Variants in DCDC1 observed in about 807,000 individuals in gnomAD.
The protein encoded by DCDC1 is doublecortin domain containing 1, also known as doublecortin domain-containing protein 1.
Under a neutral mutation model 178.3 loss-of-function variants are expected in DCDC1, and 200 were observed. The ratio of observed to expected loss-of-function variants is 1.12; its 90% CI spans 1.00 to 1.26. DCDC1 has a LOEUF of 1.26. Among genes scored for constraint, DCDC1 ranks in the 50% most tolerant of loss-of-function variants. The probability of loss-of-function intolerance (pLI) is 0.00; values close to 1 mark genes in which losing one functional copy is unlikely to be tolerated. For synonymous variants in DCDC1, 690 were observed against 604.8 expected (o/e 1.14, Z -2.07); for missense variants, 1,983 against 1,749.2 (o/e 1.13, Z -2.38).
intron 35 of DCDC1, 123 bp downstream of exon 35, chr11:30,894,125 A>G: frequency 9.9e-6 from 13 of 1,311,178 alleles, no homozygotes; most frequent in Non-Finnish European, 1.2e-5. Context: ...ATATGCTTAT[A>G]TGGTCATAAC....
rs1183626749 is a variant in DCDC1 at position 31,091,407 on chromosome 11, T to C, written c.2223A>G (p.Leu741=). 1.3e-6 allele frequency: 1 copy of C among 749,354 alleles called. No individual in the cohort carries two copies. The highest frequency in any genetic ancestry group is 2.4e-6 in the Non-Finnish European group (1 of 408,782). The allele number at this position is 749,354 out of a possible 1,614,324, so 46.4% of individuals were successfully genotyped here. A position where few individuals can be genotyped will look rare whatever the true frequency, so the allele number is the denominator to read the frequency against. The change falls in exon 17 of 39, where the codon TTA becomes TTG. Residue 741 remains leucine (L), a synonymous_variant. Transcript: ENST00000684477. The part of the protein sequence containing the change: ...AEGTSLEGYK[L]ILQKRHSGDD... ...ATAAGCATTACCTTTTCTGTAAGAT[T>C]AATTTATATCCTTCTAGTGATGTTC...
intron 8 of DCDC1, among the ~76,000 whole-genome samples, chr11:31,245,201 T>C (rs1400494063): frequency 4.7e-5 from 7 of 149,486 alleles, no homozygotes; most frequent in Admixed American, 1.3e-4. Context: ...CTCTCTCTCT[T>C]TTTTTTTTTC....
chr11:30,904,266 T>G, intron 31 of DCDC1: 1 of 152,264 alleles, frequency 6.6e-6, no homozygotes, highest in East Asian at 1.9e-4. Flanking sequence ...AAAAAATATT[T>G]TCAGCCAAAG....
At chr11:31,032,602 T>C (rs886532617) in intron 20 of DCDC1, among the ~76,000 whole-genome samples, 4 of 151,138 alleles carry the variant, frequency 2.6e-5, no homozygotes, top group African/African-American at 7.3e-5. Flanking sequence ...ACAGTGTAAA[T>C]GAAAATGGAA....
Position 30,915,622 on chromosome 11 carries a change from T to C in DCDC1, c.3542A>G (p.Gln1181Arg). The part of the protein sequence containing the change: ...DGQIISHAAP[Q>R]LVLGVQGPNL... ...GGGACCTTGAACCCCCAAGACTAGC[T>C]GAGGAGCAGCATGGCTTATAATCTG... The change falls in exon 27 of 39, where the codon CAG (glutamine) becomes CGG (arginine). Residue 1181 changes from glutamine to arginine, a missense_variant. Transcript: ENST00000684477. The C allele has an allele frequency of 6.2e-7, 1 of 1,613,946 alleles. No individual in the cohort carries two copies. Among genetic ancestry groups the C allele is most frequent in the Non-Finnish European group, 8.5e-7 (1 of 1,179,846 alleles).
At chr11:31,123,328 G>A (rs1352224588) in intron 11 of DCDC1, among the ~76,000 whole-genome samples, 1 of 152,070 alleles carries the variant, frequency 6.6e-6, no homozygotes, top group Non-Finnish European at 1.5e-5. Context: ...ATAACTTCAA[G>A]AGAATAGGTA....
chr11:31,034,092 C>T (rs1408906333), intron 20 of DCDC1, among the ~76,000 whole-genome samples: 2 of 144,416 alleles, frequency 1.4e-5, no homozygotes, highest in Non-Finnish European at 3.0e-5. Context: ...TGCAGTGAGC[C>T]GAGATCATGC....
rs555873871 is a variant in DCDC1, at chr11:30,922,217, G to T, written c.3133+286C>A. On this transcript the variant is annotated intron_variant, in intron 24 of 38. Coordinates refer to ENST00000684477, the MANE Select transcript of DCDC1 (RefSeq NM_001387274.1). ...CCTAAAGGGACTAATTAAATTAATG[G>T]ATGGAACAAAATGTAAACATGATTA... Among the ~76,000 whole-genome samples the T allele has an allele frequency of 1.1e-3, 173 of 152,152 alleles. 1 individual carries two copies. The highest frequency in any genetic ancestry group is 1.9e-3 in the Non-Finnish European group (130 of 68,030).
chr11:31,245,113 T>C (rs1943455114), intron 8 of DCDC1, among the ~76,000 whole-genome samples: 1 of 151,650 alleles, frequency 6.6e-6, no homozygotes, highest in Non-Finnish European at 1.5e-5. Flanking sequence ...TCATATCAAA[T>C]GTTACCACCT....
chr11:31,354,705 GAAAAA>G, intron 1 of DCDC1, among the ~76,000 whole-genome samples: 1 of 152,136 alleles, frequency 6.6e-6, no homozygotes, highest in East Asian at 1.9e-4. Flanking sequence ...GTAGGATAGG[GAAAAA>G]TGATTTAGGA....
intron 1 of DCDC1, among the ~76,000 whole-genome samples, chr11:31,344,661 T>C (rs535606803): frequency 4.1e-4 from 62 of 152,328 alleles, no homozygotes; most frequent in African/African-American, 1.5e-3. Flanking sequence ...GGTCCACAAG[T>C]TGAACACTAA....
chr11:31,166,740 G>A (rs766468870), intron 9 of DCDC1, among the ~76,000 whole-genome samples: 22 of 152,182 alleles, frequency 1.4e-4, no homozygotes, highest in Non-Finnish European at 3.1e-4. Context: ...TAGGTTATAT[G>A]CCTAGTTGAA....
chr11:30,950,069 G>T (rs1422208275), intron 21 of DCDC1, among the ~76,000 whole-genome samples: 1 of 152,012 alleles, frequency 6.6e-6, no homozygotes, highest in Non-Finnish European at 1.5e-5. Flanking sequence ...TGGCAAACAG[G>T]TATATGCAAA....
chr11:31,274,138 T>G (rs1314779944), intron 7 of DCDC1, among the ~76,000 whole-genome samples: 1 of 152,214 alleles, frequency 6.6e-6, no homozygotes, highest in Non-Finnish European at 1.5e-5. Context: ...CTTTCTTGTC[T>G]TCTTCATAGG....
intron 20 of DCDC1, among the ~76,000 whole-genome samples, chr11:31,052,440 G>C (rs1955323162): frequency 6.6e-6 from 1 of 152,082 alleles, no homozygotes; most frequent in Non-Finnish European, 1.5e-5. Context: ...CTCTAGACAG[G>C]TTTTCAAGAC....
intron 9 of DCDC1, among the ~76,000 whole-genome samples, chr11:31,172,509 T>C (rs1297755538): frequency 6.6e-6 from 1 of 152,104 alleles, no homozygotes. Flanking sequence ...AGGCCAGGGG[T>C]ACCAACACCC....
intron 20 of DCDC1, among the ~76,000 whole-genome samples, chr11:30,977,087 C>A (rs758192098): frequency 3.3e-5 from 5 of 152,064 alleles, no homozygotes; most frequent in Non-Finnish European, 7.4e-5. Flanking sequence ...AACAGAAAGA[C>A]AAATATCACA....
chr11:31,005,344 T>C (rs1951779470), intron 20 of DCDC1, among the ~76,000 whole-genome samples: 1 of 152,196 alleles, frequency 6.6e-6, no homozygotes, highest in South Asian at 2.1e-4. Context: ...AGATCTTCTA[T>C]GTTGCTTGCT....
chr11:31,069,200 T>G (rs1590939290), intron 18 of DCDC1, among the ~76,000 whole-genome samples: 1 of 152,260 alleles, frequency 6.6e-6, no homozygotes, highest in East Asian at 1.9e-4. Context: ...TTATAAAAAT[T>G]AATACTTTAA....
Sources: allele counts gnomAD v4.1 joint callset (sites outside exome capture counted in the v4.1 genomes callset), GRCh38; gene constraint gnomAD v4.1.1; transcripts MANE v1.5; gene names NCBI Gene and HGNC (gene_info 2026-07-23, HGNC 2026-07-21).